GRXCR1: variants seen among roughly 807,000 people sequenced by gnomAD.
GRXCR1 encodes the protein glutaredoxin and cysteine rich domain containing 1.
A neutral mutation model predicts 27.3 loss-of-function variants in GRXCR1; 27 were observed. The observed-to-expected ratio is 0.99, with a 90% confidence interval of 0.73 to 1.37. The LOEUF (loss-of-function observed/expected upper bound fraction) is 1.37. Among genes scored for constraint, GRXCR1 ranks in the 40% most tolerant of loss-of-function variants. The pLI is 0.00. For missense variants in GRXCR1, 379 were observed against 354.4 expected, an observed-to-expected ratio of 1.07 and a Z score of -0.56; for synonymous variants, 122 against 131.1, an observed-to-expected ratio of 0.93 and a Z score of 0.47.
intron 1 of GRXCR1, among the ~76,000 whole-genome samples, chr4:42,946,176 C>G (rs1747740554): frequency 6.6e-6 from 1 of 152,112 alleles, no homozygotes; most frequent in South Asian, 2.1e-4. Flanking sequence ...ACAGCAACAA[C>G]CTGAATTTCC....
intron 2 of GRXCR1, among the ~76,000 whole-genome samples, chr4:43,009,939 G>T (rs2109801817): frequency 6.6e-6 from 1 of 152,108 alleles, no homozygotes; most frequent in East Asian, 1.9e-4. Flanking sequence ...AACAAGTTAT[G>T]CATTTATTTG....
intron 2 of GRXCR1, among the ~76,000 whole-genome samples, chr4:42,975,623 A>C (rs1416693459): frequency 6.6e-6 from 1 of 152,016 alleles, no homozygotes; most frequent in Non-Finnish European, 1.5e-5. Flanking sequence ...GGAAACTGTA[A>C]TCCCCCTCAT....
At chr4:43,010,923 A>G (rs989932880) in intron 2 of GRXCR1, among the ~76,000 whole-genome samples, 16 of 152,196 alleles carry the variant, frequency 1.1e-4, no homozygotes, top group Middle Eastern at 3.2e-3. Context: ...CATGATAGAA[A>G]TATTTTTCTC....
intron 2 of GRXCR1, among the ~76,000 whole-genome samples, chr4:43,009,791 G>T (rs957384841): frequency 1.3e-5 from 2 of 152,082 alleles, no homozygotes; most frequent in Admixed American, 6.5e-5. Context: ...CACATTAAGG[G>T]TTAGGATTTG....
chr4:42,915,719 C>T (rs1332304076), intron 1 of GRXCR1, among the ~76,000 whole-genome samples: 1 of 151,942 alleles, frequency 6.6e-6, no homozygotes, highest in African/African-American at 2.4e-5. Context: ...TGAGTCATAG[C>T]CCAGTCCCAT....
At chr4:42,916,005 T>C (rs1230160442) in intron 1 of GRXCR1, among the ~76,000 whole-genome samples, 1 of 152,002 alleles carries the variant, frequency 6.6e-6, no homozygotes, top group Non-Finnish European at 1.5e-5. Flanking sequence ...GACAATTTTA[T>C]TCCCAGCCAA....
At chr4:42,898,749 G>C (rs1021367434) in intron 1 of GRXCR1, among the ~76,000 whole-genome samples, 2 of 151,956 alleles carry the variant, frequency 1.3e-5, no homozygotes, top group Non-Finnish European at 2.9e-5. Flanking sequence ...CTTCTTCTCT[G>C]ACAGAAACAT....
intron 2 of GRXCR1, among the ~76,000 whole-genome samples, chr4:42,996,852 A>G (rs1420518496): frequency 6.6e-6 from 1 of 151,984 alleles, no homozygotes; most frequent in Non-Finnish European, 1.5e-5. Context: ...AAGACACGTT[A>G]GTAATTATAA....
At chr4:42,934,743 T>C (rs145238083) in intron 1 of GRXCR1, among the ~76,000 whole-genome samples, 1 of 152,080 alleles carries the variant, frequency 6.6e-6, no homozygotes, top group East Asian at 1.9e-4. Flanking sequence ...AAGGGCCACA[T>C]ATATAACAGC....
chr4:42,938,711 T>C (rs1194614735), intron 1 of GRXCR1, among the ~76,000 whole-genome samples: 1 of 152,032 alleles, frequency 6.6e-6, no homozygotes, highest in African/African-American at 2.4e-5. Context: ...AATTTTATTC[T>C]TCTGCATATG....
intron 1 of GRXCR1, among the ~76,000 whole-genome samples, chr4:42,913,559 G>T (rs1746812176): frequency 6.6e-6 from 1 of 152,070 alleles, no homozygotes; most frequent in Non-Finnish European, 1.5e-5. Context: ...AAGAGGAATT[G>T]GAGCATGAAA....
chr4:42,909,360 T>C lies in GRXCR1; in HGVS notation c.384+15710T>C, dbSNP rs7685293. 7.9e-3 allele frequency among the ~76,000 whole-genome samples: 1,207 copies of C among 152,224 alleles called. 7 individuals are homozygous for C. The highest frequency in any genetic ancestry group is 0.028 in the African/African-American group (1,162 of 41,540). On this transcript the variant is annotated intron_variant, in intron 1 of 3. Coordinates refer to ENST00000399770, the MANE Select transcript of GRXCR1 (RefSeq NM_001080476.3). Reference sequence around the variant, plus strand: ...AAGACTACAAATTAAGGCTCCCCCATACCCCGAAGTTAGTTTACCCGCACA... The same window carrying C: ...AAGACTACAAATTAAGGCTCCCCCACACCCCGAAGTTAGTTTACCCGCACA...
chr4:42,905,975 C>A (rs1443363465), intron 1 of GRXCR1, among the ~76,000 whole-genome samples: 1 of 152,156 alleles, frequency 6.6e-6, no homozygotes, highest in Non-Finnish European at 1.5e-5. Context: ...ATTTGGCTCA[C>A]ATTGGGTCAT....
chr4:43,002,177 CCTCT>C, intron 2 of GRXCR1, among the ~76,000 whole-genome samples: 1 of 152,280 alleles, frequency 6.6e-6, no homozygotes, highest in Non-Finnish European at 1.5e-5. Context: ...AAGAGGCTTT[CCTCT>C]TTTACTAATC....
chr4:43,013,029 G>C (rs535243097), intron 2 of GRXCR1, among the ~76,000 whole-genome samples: 1 of 152,114 alleles, frequency 6.6e-6, no homozygotes, highest in Non-Finnish European at 1.5e-5. Flanking sequence ...AATAACAGAC[G>C]CTAGTGAGGC....
intron 2 of GRXCR1, among the ~76,000 whole-genome samples, chr4:42,965,191 G>A (rs956229260): frequency 6.6e-6 from 1 of 152,032 alleles, no homozygotes; most frequent in Non-Finnish European, 1.5e-5. Context: ...TAGGGGGCAT[G>A]CTTCTTTCCC....
At chr4:42,938,167 C>T (rs1430237912) in intron 1 of GRXCR1, among the ~76,000 whole-genome samples, 2 of 151,940 alleles carry the variant, frequency 1.3e-5, no homozygotes, top group Non-Finnish European at 2.9e-5. Flanking sequence ...AAATGAGTTA[C>T]AATATGTGAA....
At chr4:42,972,269 G>C (rs760229468) in intron 2 of GRXCR1, among the ~76,000 whole-genome samples, 3 of 152,024 alleles carry the variant, frequency 2.0e-5, no homozygotes, top group Non-Finnish European at 2.9e-5. Flanking sequence ...TTGGTCACTT[G>C]TTTGATCATT....
chr4:42,974,919 A>G (rs916742617), intron 2 of GRXCR1, among the ~76,000 whole-genome samples: 2 of 152,098 alleles, frequency 1.3e-5, no homozygotes, highest in Non-Finnish European at 2.9e-5. Flanking sequence ...ATAGACTGAA[A>G]ACCTTGAGAT....
Sources: allele counts gnomAD v4.1 joint callset (sites outside exome capture counted in the v4.1 genomes callset), GRCh38; gene constraint gnomAD v4.1.1; transcripts MANE v1.5; gene names NCBI Gene and HGNC (gene_info 2026-07-23, HGNC 2026-07-21).